The following TSHZ2 variants were observed in gnomAD, a reference collection of about 807,000 sequenced individuals.
TSHZ2 encodes the protein teashirt zinc finger homeobox 2, also known as teashirt homolog 2.
TSHZ2 carries 21 observed loss-of-function variants against 74.4 expected under a neutral mutation model. That is an observed-to-expected ratio of 0.28 (90% CI 0.20 to 0.41). The LOEUF (loss-of-function observed/expected upper bound fraction) is 0.41, where lower values mean the gene tolerates loss of function less well. Among genes scored for constraint, TSHZ2 ranks in the 10% least tolerant of loss-of-function variants. TSHZ2 has a pLI of 1.00. For synonymous variants in TSHZ2, 540 were observed against 515.3 expected (o/e 1.05, Z -0.65); for missense variants, 1,244 against 1,293.5 (o/e 0.96, Z 0.59).
intron 1 of TSHZ2, among the ~76,000 whole-genome samples, chr20:53,100,502 T>C (rs1213665241): frequency 1.3e-5 from 2 of 152,220 alleles, no homozygotes; most frequent in African/African-American, 2.4e-5. Flanking sequence ...CACAGGATAA[T>C]GCTTTTTGGC....
chr20:53,203,083 C>G (rs1038258012), intron 1 of TSHZ2, among the ~76,000 whole-genome samples: 1 of 152,124 alleles, frequency 6.6e-6, no homozygotes, highest in African/African-American at 2.4e-5. Flanking sequence ...CCTTATATAA[C>G]TTTAGCTGCT....
chr20:53,228,137 C>T (rs1244411916), intron 1 of TSHZ2, among the ~76,000 whole-genome samples: 1 of 150,294 alleles, frequency 6.7e-6, no homozygotes, highest in African/African-American at 2.4e-5. Flanking sequence ...CACACACACA[C>T]ACACACTCAC....
intron 1 of TSHZ2, among the ~76,000 whole-genome samples, chr20:53,217,957 A>G (rs1474188685): frequency 1.3e-5 from 2 of 152,226 alleles, no homozygotes; most frequent in Non-Finnish European, 2.9e-5. Context: ...TTCACATCCC[A>G]AAGCATAGAT....
chr20:53,333,176 T>C (rs1219234258), intron 2 of TSHZ2, among the ~76,000 whole-genome samples: 2 of 152,242 alleles, frequency 1.3e-5, no homozygotes, highest in Non-Finnish European at 2.9e-5. Flanking sequence ...TCTCATTATT[T>C]TGTTGATTGA....
At chr20:53,105,505 G>A (rs1986336053) in intron 1 of TSHZ2, among the ~76,000 whole-genome samples, 1 of 152,150 alleles carries the variant, frequency 6.6e-6, no homozygotes, top group East Asian at 1.9e-4. Context: ...AAGATAACTT[G>A]GCGCCTTCAG....
chr20:53,464,063 T>C (rs1985484240), intron 2 of TSHZ2, among the ~76,000 whole-genome samples: 1 of 152,178 alleles, frequency 6.6e-6, no homozygotes, highest in East Asian at 1.9e-4. Context: ...CCCTTTACTT[T>C]CATTCTGATG....
chr20:53,104,265 G>A (rs1001709558), intron 1 of TSHZ2, among the ~76,000 whole-genome samples: 3 of 151,860 alleles, frequency 2.0e-5, no homozygotes, highest in African/African-American at 7.3e-5. Context: ...GGGAAGGTGG[G>A]AGGGTTGGAC....
At chr20:53,307,334 C>G (rs2145493269) in intron 2 of TSHZ2, among the ~76,000 whole-genome samples, 1 of 152,326 alleles carries the variant, frequency 6.6e-6, no homozygotes, top group East Asian at 1.9e-4. Context: ...AGCTGACCCT[C>G]TCTCTGAGCT....
At chr20:53,031,021 T>G (rs1983616170) in intron 1 of TSHZ2, among the ~76,000 whole-genome samples, 1 of 152,216 alleles carries the variant, frequency 6.6e-6, no homozygotes, top group Non-Finnish European at 1.5e-5. Context: ...TTTTAAAATT[T>G]CTTTCTATTC....
At chr20:53,390,077 A>G (rs1231445807) in intron 2 of TSHZ2, among the ~76,000 whole-genome samples, 1 of 152,182 alleles carries the variant, frequency 6.6e-6, no homozygotes, top group African/African-American at 2.4e-5. Context: ...CAGCAGAGAG[A>G]GCGACTTTAG....
intron 1 of TSHZ2, among the ~76,000 whole-genome samples, chr20:53,181,023 G>C (rs987628354): frequency 1.3e-5 from 2 of 151,976 alleles, no homozygotes; most frequent in African/African-American, 4.8e-5. Context: ...CCCCTTCATT[G>C]AGTGTACCCC....
At chr20:53,251,705 T>C (rs1295408175) in intron 1 of TSHZ2, among the ~76,000 whole-genome samples, 1 of 152,180 alleles carries the variant, frequency 6.6e-6, no homozygotes, top group Non-Finnish European at 1.5e-5. Context: ...CTAGACTGAA[T>C]TTATACATTT....
At chr20:52,997,233 C>T (rs1265227705) in intron 1 of TSHZ2, among the ~76,000 whole-genome samples, 1 of 148,660 alleles carries the variant, frequency 6.7e-6, no homozygotes, top group South Asian at 2.1e-4. Flanking sequence ...GCTTCATCTG[C>T]CCTGGTTCCT....
intron 1 of TSHZ2, among the ~76,000 whole-genome samples, chr20:53,241,729 T>C (rs1008985250): frequency 6.6e-6 from 1 of 152,146 alleles, no homozygotes; most frequent in Non-Finnish European, 1.5e-5. Context: ...TTATCTCACT[T>C]AATTTTCAAA....
At chr20:53,032,234 G>A (rs756658310) in intron 1 of TSHZ2, among the ~76,000 whole-genome samples, 75 of 152,284 alleles carry the variant, frequency 4.9e-4, no homozygotes, top group Non-Finnish European at 8.8e-4. Flanking sequence ...ACGTTAGAGC[G>A]GATGACTTTT....
chr20:53,197,166 C>G (rs1043405653), intron 1 of TSHZ2, among the ~76,000 whole-genome samples: 1 of 152,144 alleles, frequency 6.6e-6, no homozygotes, highest in African/African-American at 2.4e-5. Context: ...TTCCAATCAG[C>G]GAGGAAGGTT....
chr20:53,158,843 C>G (rs905460514), intron 1 of TSHZ2, among the ~76,000 whole-genome samples: 2 of 152,248 alleles, frequency 1.3e-5, no homozygotes, highest in African/African-American at 2.4e-5. Flanking sequence ...CCATGGCCTC[C>G]CTGGCTGGTC....
chr20:53,172,571 C>T (rs149550793), intron 1 of TSHZ2, among the ~76,000 whole-genome samples: 254 of 152,302 alleles, frequency 1.7e-3, no homozygotes, highest in African/African-American at 5.7e-3. Flanking sequence ...GGCATCTTTA[C>T]TCTGGAGTCT....
intron 1 of TSHZ2, among the ~76,000 whole-genome samples, chr20:53,185,935 A>G (rs779261610): frequency 6.6e-5 from 10 of 152,188 alleles, no homozygotes; most frequent in Non-Finnish European, 1.3e-4. Flanking sequence ...CATTAGTCCA[A>G]GTCGAGGGTT....
Sources: gnomAD v4.1 joint callset for allele counts (sites outside exome capture counted in the v4.1 genomes callset) on GRCh38, gnomAD v4.1.1 for gene constraint, MANE v1.5 for transcripts, NCBI Gene and HGNC (gene_info 2026-07-23, HGNC 2026-07-21) for gene names.